The following RASGRP4 variants were observed in gnomAD, a reference collection of about 807,000 sequenced individuals.
The protein encoded by RASGRP4 is RAS guanyl releasing protein 4.
A neutral mutation model predicts 84.4 loss-of-function variants in RASGRP4; 52 were observed. The observed-to-expected ratio is 0.62, with a 90% CI of 0.49 to 0.78. RASGRP4 has a LOEUF of 0.78. RASGRP4 is among the 30% of genes least tolerant of loss of function. The probability of loss-of-function intolerance (pLI) is 0.00; values close to 1 mark genes in which losing one functional copy is unlikely to be tolerated. For synonymous variants in RASGRP4, 356 were observed against 359.1 expected, an observed-to-expected ratio of 0.99 and a Z score of 0.10; for missense variants, 760 against 886.9, an observed-to-expected ratio of 0.86 and a Z score of 1.82.
chr19:38,414,803 C>T, intron 9 of RASGRP4, 45 bp downstream of exon 9: 1 of 1,532,880 alleles, frequency 6.5e-7, no homozygotes, highest in Non-Finnish European at 8.8e-7. Flanking sequence ...CCCTATATCT[C>T]AGTACCCTTG....
chr19:38,417,122 C>T lies in RASGRP4; in HGVS notation c.884G>A (p.Gly295Glu). ...QNFNTLMAVT[G>E]GLCHSAISRL... Reference sequence around the variant, plus strand: ...GGAGATGGCACTGTGACACAGGCCCCCTGTGACTGCCATCAGCGTGTTGAA... The same window carrying T: ...GGAGATGGCACTGTGACACAGGCCCTCTGTGACTGCCATCAGCGTGTTGAA... The change falls in exon 8 of 17, where the codon GGG becomes GAG. Residue 295 changes from glycine (G) to glutamate (E), a missense_variant. Physicochemically the swap from Gly to Glu is moderately conservative, Grantham distance 98. Transcript: ENST00000615439. This position sits in a 1 kb window ranked among gnomAD's most constrained non-coding sequence, Gnocchi z 5.1. The T allele has an allele frequency of 6.4e-7, 1 of 1,564,406 alleles. No homozygotes were observed. The highest frequency in any genetic ancestry group is 1.2e-5 in the South Asian group (1 of 84,828).
At position 38,418,421 on chromosome 19, in the gene RASGRP4, C is replaced by G. The variant is rs746303879; in HGVS notation, c.807G>C (p.Gln269His). The G allele has an allele frequency of 6.2e-7, 1 of 1,606,688 alleles. No homozygotes were observed. Among genetic ancestry groups the G allele is most frequent in the East Asian group, 2.2e-5 (1 of 44,614 alleles). Reference sequence around the variant, plus strand: ...CCACGTGAATGAACTTGTCCAGCACCTGTGCACGCTGTAGGGGCCCGGGAC... The same window carrying G: ...CCACGTGAATGAACTTGTCCAGCACGTGTGCACGCTGTAGGGGCCCGGGAC... ...LSRPGPLQRAQVLDKFIHVAQ... is the reference protein window; with the variant it reads ...LSRPGPLQRAHVLDKFIHVAQ... Residue 269 changes from glutamine (Q) to histidine (H), a missense_variant, in exon 7 of 17, where the codon CAG becomes CAC. Physicochemically the swap from Gln to His is conservative, Grantham distance 24 (BLOSUM62 0). Transcript: ENST00000615439. The surrounding 1 kb of genome is among the most constrained non-coding windows in gnomAD (Gnocchi z 4.6).
chr19:38,416,148 C>T (rs1307720303), intron 8 of RASGRP4, among the ~76,000 whole-genome samples: 1 of 151,530 alleles, frequency 6.6e-6, no homozygotes, highest in African/African-American at 2.4e-5. Context: ...CATGGGCCAC[C>T]ATCCCTGGCT....
chr19:38,422,492 A>G (rs901988304), intron 1 of RASGRP4, among the ~76,000 whole-genome samples: 7 of 152,090 alleles, frequency 4.6e-5, no homozygotes, highest in Non-Finnish European at 8.8e-5. Flanking sequence ...CGGGCAAGCA[A>G]GCACCCCCGC....
rs1971333044 is a variant in RASGRP4 at position 38,412,992 on chromosome 19, C to A, written c.1474G>T (p.Glu492Ter). The A allele has an allele frequency of 1.2e-6, 2 of 1,613,920 alleles. No homozygotes were observed. Among genetic ancestry groups the A allele is most frequent in the African/African-American group, 1.3e-5 (1 of 74,930 alleles). The change falls in exon 12 of 17, where the codon GAG becomes TAG. Residue 492 changes from glutamate to a stop codon, truncating the protein, a stop_gained. Transcript: ENST00000615439. LOFTEE classifies it high-confidence loss of function. The surrounding 1 kb of genome is among the most constrained non-coding windows in gnomAD (Gnocchi z 4.6). ...AAGGGAAAATTGCCCGAGAGTCGCT[C>A]AAAGTCCTCCTGAGAGATTGTTCCT... ...GRGTISQEDF[E>*]RLSGNFPFAC...
At position 38,421,953 on chromosome 19, in the gene RASGRP4, G is replaced by T; in HGVS notation, c.208+16C>A. 1.2e-6 allele frequency: 2 copies of T among 1,603,224 alleles called. No individual in the cohort carries two copies. On this transcript the variant is annotated intron_variant, in intron 2 of 16. Coordinates refer to ENST00000615439, the MANE Select transcript of RASGRP4 (RefSeq NM_170604.3). ...GAGGTTAGGGCCAGGGAGGCTGCTG[G>T]GGAGAGGACACTTACCGAAGGACTG...
At position 38,422,036 on chromosome 19, in the gene RASGRP4, G is replaced by A. The variant is rs746095927; in HGVS notation, c.141C>T (p.Asn47=). 2.5e-6 allele frequency: 4 copies of A among 1,613,674 alleles called. No individual in the cohort carries two copies. In the South Asian group the frequency reaches 3.3e-5, roughly 13 times the overall value. Reference sequence around the variant, plus strand: ...AGCCGCCCTCACTCAGCAGGCCCAGGTTCATGGAAGCCATGACCTTGCTGA... The same window carrying A: ...AGCCGCCCTCACTCAGCAGGCCCAGATTCATGGAAGCCATGACCTTGCTGA... ...REISKVMASM[N]LGLLSEGGCS... Residue 47 remains asparagine, a synonymous_variant, in exon 2 of 17, where the codon AAC becomes AAT. Transcript: ENST00000615439.
chr19:38,422,070 G>A lies in RASGRP4; in HGVS notation c.107C>T (p.Pro36Leu), dbSNP rs1448957866. Residue 36 changes from proline to leucine, a missense_variant, in exon 2 of 17, where the codon CCT becomes CTT. Physicochemically the swap from Pro to Leu is moderately conservative, Grantham distance 98. Transcript: ENST00000615439. Reference protein sequence around the residue: ...QVRRHKTCPSPREISKVMASM... With the variant: ...QVRRHKTCPSLREISKVMASM... ...AGCCATGACCTTGCTGATTTCCCGA[G>A]GGCTGGGGCATGTCTTGTGGCGGCG... 1 of 1,613,810 alleles carries A rather than the reference G, an allele frequency of 6.2e-7. No individual in the cohort carries two copies. Among genetic ancestry groups the A allele is most frequent in the South Asian group, 1.1e-5 (1 of 91,072 alleles).
intron 1 of RASGRP4, among the ~76,000 whole-genome samples, chr19:38,425,049 G>A (rs1398895877): frequency 6.6e-6 from 1 of 152,064 alleles, no homozygotes; most frequent in African/African-American, 2.4e-5. Context: ...GCTGGGTGTG[G>A]TGGTGCACAC....
Position 38,412,230 on chromosome 19 carries a change from GC to G in RASGRP4, c.1680+441del, listed in dbSNP as rs1971292377. On this transcript the variant is annotated intron_variant, in intron 13 of 16. Coordinates refer to ENST00000615439, the MANE Select transcript of RASGRP4 (RefSeq NM_170604.3). This position sits in a 1 kb window ranked among gnomAD's most constrained non-coding sequence, Gnocchi z 4.6. ...CCTCCTGGGTTCAAGCAATTCTCGT[GC>G]CTCAGCCTCCTGAGTAGCTGGGATC... Among the ~76,000 whole-genome samples, 1 of 152,122 alleles carries G rather than the reference GC, an allele frequency of 6.6e-6. No individual in the cohort carries two copies. The highest frequency in any genetic ancestry group is 1.5e-5 in the Non-Finnish European group (1 of 68,036).
In RASGRP4 at chr19:38,418,367, G is replaced by C. The variant is rs1277194464; in HGVS notation, c.837+24C>G. The C allele has an allele frequency of 1.7e-5, 27 of 1,593,168 alleles. No homozygotes were observed. The highest frequency in any genetic ancestry group is 2.3e-5 in the Non-Finnish European group (27 of 1,170,804). On this transcript the variant is annotated intron_variant, in intron 7 of 16. Coordinates refer to ENST00000615439, the MANE Select transcript of RASGRP4 (RefSeq NM_170604.3). This position sits in a 1 kb window ranked among gnomAD's most constrained non-coding sequence, Gnocchi z 4.6. Reference sequence around the variant, plus strand: ...CAGGTGGCTGCGTGCAGTGGAGTTCGCAGCCCCAAGGGGCGGGCCTCACCT... The same window carrying C: ...CAGGTGGCTGCGTGCAGTGGAGTTCCCAGCCCCAAGGGGCGGGCCTCACCT...
rs746693721 is a variant in RASGRP4, at chr19:38,415,022, G to C, written c.1056C>G (p.Gly352=). 6.2e-7 allele frequency: 1 copy of C among 1,611,164 alleles called. No individual in the cohort carries two copies. The highest frequency in any genetic ancestry group is 8.5e-7 in the Non-Finnish European group (1 of 1,178,926). The change falls in exon 9 of 17, where the codon GGC becomes GGG. Residue 352 remains glycine (G), a synonymous_variant. Transcript: ENST00000615439. ...GGGACACCAGGTCCTTGAGGTGCAC[G>C]CCCAGTACAGGCAGCCGGAAACCCG... The part of the protein sequence containing the change: ...GCAGFRLPVL[G]VHLKDLVSLH...
rs752509038 is a variant in RASGRP4 at position 38,409,404 on chromosome 19, A to G, written c.*636T>C. 6 of 151,912 alleles carry G rather than the reference A, an allele frequency of 3.9e-5. No homozygotes were observed. The highest frequency in any genetic ancestry group is 8.8e-5 in the Non-Finnish European group (6 of 68,270). 9.4% of individuals were successfully genotyped at this position (151,912 alleles called of 1,614,324 possible). On this transcript the variant is annotated 3_prime_UTR_variant, in exon 17 of 17. Transcript: ENST00000615439. ...GAAAGACAGACGTTCAACGAGATAAAGAGGGAAAAAGTATAGGCTGTCAGA... is the reference window on the plus strand; with the variant it reads ...GAAAGACAGACGTTCAACGAGATAAGGAGGGAAAAAGTATAGGCTGTCAGA...
rs1485409944 is a variant in RASGRP4, at chr19:38,418,474, G to A, written c.754C>T (p.Arg252Cys). 9 of 1,587,144 alleles carry A rather than the reference G, an allele frequency of 5.7e-6. No individual in the cohort carries two copies. The highest frequency in any genetic ancestry group is 1.9e-4 in the Middle Eastern group (1 of 5,328). Residue 252 changes from arginine to cysteine, a missense_variant, in exon 7 of 17, where the codon CGC (arginine) becomes TGC (cysteine). Physicochemically the swap from Arg to Cys is radical, Grantham distance 180. Transcript: ENST00000615439. The surrounding 1 kb of genome is among the most constrained non-coding windows in gnomAD (Gnocchi z 4.6). ...GSVGLSNSVS[R>C]WVQVMVLSRP... ...CTCAGCACCATCACCTGCACCCAGCGGGACACGCTGTTGCTGAGACCTACG... is the reference window on the plus strand; with the variant it reads ...CTCAGCACCATCACCTGCACCCAGCAGGACACGCTGTTGCTGAGACCTACG...
rs774061110 is a variant in RASGRP4, at chr19:38,417,521, G to T, written c.838-353C>A. 1.3e-5 allele frequency among the ~76,000 whole-genome samples: 2 copies of T among 152,174 alleles called. No individual in the cohort carries two copies. The highest frequency in any genetic ancestry group is 2.9e-5 in the Non-Finnish European group (2 of 68,034). ...ATGTCAGGGTGTCAGCCATCTGGGG[G>T]TCTGACTGCTCTGAGAGTCACACAG... On this transcript the variant is annotated intron_variant, in intron 7 of 16. Coordinates refer to ENST00000615439, the MANE Select transcript of RASGRP4 (RefSeq NM_170604.3). This position sits in a 1 kb window ranked among gnomAD's most constrained non-coding sequence, Gnocchi z 5.1.
At chr19:38,424,625 G>C (rs575063376) in intron 1 of RASGRP4, among the ~76,000 whole-genome samples, 1 of 141,816 alleles carries the variant, frequency 7.1e-6, no homozygotes. Flanking sequence ...ATGGGGGGGG[G>C]GGTCTCACTA....
Position 38,412,979 on chromosome 19 carries a change from C to T in RASGRP4, c.1487G>A (p.Gly496Asp). 6.2e-7 allele frequency: 1 copy of T among 1,614,044 alleles called. No homozygotes were observed. Among genetic ancestry groups the T allele is most frequent in the South Asian group, 1.1e-5 (1 of 91,086 alleles). ...CCCATGGCAGGCGAAGGGAAAATTGCCCGAGAGTCGCTCAAAGTCCTCCTG... is the reference window on the plus strand; with the variant it reads ...CCCATGGCAGGCGAAGGGAAAATTGTCCGAGAGTCGCTCAAAGTCCTCCTG... ...ISQEDFERLS[G>D]NFPFACHGLH... The change falls in exon 12 of 17, where the codon GGC becomes GAC. Residue 496 changes from glycine (G) to aspartate (D), a missense_variant. Gly to Asp is a moderately conservative substitution (Grantham distance 94). Transcript: ENST00000615439. The surrounding 1 kb of genome is among the most constrained non-coding windows in gnomAD (Gnocchi z 4.6).
chr19:38,413,486 A>G lies in RASGRP4; in HGVS notation c.1231-12T>C. ...AGGTCCAGGGAGAGCTGGAGCAGAC[A>G]GGGGTGTTACGGATCCTCCCATCTA... On this transcript the variant is annotated splice_polypyrimidine_tract_variant and intron_variant, in intron 9 of 16. Transcript: ENST00000615439. The surrounding 1 kb of genome is among the most constrained non-coding windows in gnomAD (Gnocchi z 4.7). The G allele has an allele frequency of 6.3e-7, 1 of 1,584,284 alleles. No homozygotes were observed. The highest frequency in any genetic ancestry group is 1.2e-5 in the South Asian group (1 of 86,940).
Position 38,413,143 on chromosome 19 carries a change from G to T in RASGRP4, c.1416+50C>A. ...CCACCTCCAGGCTCAGGGTTCTACA[G>T]ATGTCTTCCCTCCTGGCTGCTGGCG... is the stretch of plus-strand genomic sequence containing the variant. On this transcript the variant is annotated intron_variant, in intron 11 of 16. Transcript: ENST00000615439. This position sits in a 1 kb window ranked among gnomAD's most constrained non-coding sequence, Gnocchi z 4.7. 2 of 1,586,074 alleles carry T rather than the reference G, an allele frequency of 1.3e-6. No homozygotes were observed. Among genetic ancestry groups the T allele is most frequent in the Non-Finnish European group, 1.7e-6 (2 of 1,155,134 alleles).
Sources: gnomAD v4.1 joint callset for allele counts (sites outside exome capture counted in the v4.1 genomes callset) on GRCh38, gnomAD v4.1.1 for gene constraint, Gnocchi (gnomAD v3.1) non-coding constraint, MANE v1.5 for transcripts, NCBI Gene and HGNC (gene_info 2026-07-23, HGNC 2026-07-21) for gene names.